The following DOCK2 variants were observed in gnomAD, a reference collection of about 807,000 sequenced individuals.
DOCK2 encodes dedicator of cytokinesis 2.
In DOCK2, 87 loss-of-function variants were observed where a neutral mutation model predicts 248.9. The observed-to-expected ratio is 0.35, with a 90% CI of 0.29 to 0.42. The LOEUF (loss-of-function observed/expected upper bound fraction) is 0.42, where lower values mean the gene tolerates loss of function less well. Among genes scored for constraint, DOCK2 ranks in the 10% least tolerant of loss-of-function variants. The probability of loss-of-function intolerance (pLI) is 1.00; values close to 1 mark genes in which losing one functional copy is unlikely to be tolerated. For missense variants in DOCK2, 1,747 were observed against 2,300.2 expected (o/e 0.76, Z 4.92); for synonymous variants, 805 against 821.6 (o/e 0.98, Z 0.35).
chr5:169,811,304 G>A (rs1174295000), intron 26 of DOCK2, among the ~76,000 whole-genome samples: 1 of 152,204 alleles, frequency 6.6e-6, no homozygotes, highest in East Asian at 1.9e-4. Context: ...GCTGCAGGGT[G>A]GAAGGGAGGC....
chr5:170,053,597 G>C (rs938706191), intron 41 of DOCK2, among the ~76,000 whole-genome samples: 2 of 152,230 alleles, frequency 1.3e-5, no homozygotes, highest in Non-Finnish European at 2.9e-5. Flanking sequence ...ACTTAATCCA[G>C]AGTGATTTTC....
intron 26 of DOCK2, among the ~76,000 whole-genome samples, chr5:169,824,938 C>A (rs1246043260): frequency 1.3e-5 from 2 of 151,838 alleles, no homozygotes; most frequent in East Asian, 1.9e-4. Flanking sequence ...AAAAAAACAA[C>A]CCCATCAACA....
In DOCK2 at chr5:170,042,073, C is replaced by G; in HGVS notation, c.3817C>G (p.His1273Asp). Residue 1273 changes from histidine (H) to aspartate (D), a missense_variant, in exon 38 of 52, where the codon CAC becomes GAC. By Grantham distance (81) the His-to-Asp change is moderately conservative. Transcript: ENST00000520908. ...MQTGQQHPQTHRQLKETLYET... is the reference protein window; with the variant it reads ...MQTGQQHPQTDRQLKETLYET... ...GACAGGCCAGCAGCACCCCCAGACACACCGGCAGCTGAAGGAGACGCTCTA... is the reference window on the plus strand; with the variant it reads ...GACAGGCCAGCAGCACCCCCAGACAGACCGGCAGCTGAAGGAGACGCTCTA... 1 of 1,613,748 alleles carries G rather than the reference C, an allele frequency of 6.2e-7. No homozygotes were observed. Among genetic ancestry groups the G allele is most frequent in the Non-Finnish European group, 8.5e-7 (1 of 1,179,786 alleles).
chr5:169,679,908 G>A (rs13180246), intron 6 of DOCK2, among the ~76,000 whole-genome samples: 1 of 152,118 alleles, frequency 6.6e-6, no homozygotes. Context: ...CCAGAATCTG[G>A]TACTTAGTAG....
chr5:169,828,780 C>T (rs1390857297), intron 26 of DOCK2, among the ~76,000 whole-genome samples: 1 of 152,230 alleles, frequency 6.6e-6, no homozygotes, highest in Non-Finnish European at 1.5e-5. Context: ...TCTCCTTTCT[C>T]TCTGCAACAG....
At chr5:170,074,710 C>T (rs1016897209) in intron 46 of DOCK2, among the ~76,000 whole-genome samples, 27 of 152,200 alleles carry the variant, frequency 1.8e-4, no homozygotes, top group African/African-American at 6.5e-4. Context: ...AAGCCCAGAG[C>T]TCCTTGTTCT....
intron 15 of DOCK2, 111 bp downstream of exon 15, chr5:169,708,378 G>A (rs984446001): frequency 2.5e-5 from 27 of 1,073,936 alleles, no homozygotes; most frequent in Middle Eastern, 2.2e-4. Context: ...AGCCGTGTGA[G>A]GTTTGTACTA....
intron 27 of DOCK2, among the ~76,000 whole-genome samples, chr5:169,950,672 T>A (rs1303984421): frequency 6.6e-6 from 1 of 152,236 alleles, no homozygotes; most frequent in Non-Finnish European, 1.5e-5. Context: ...TTTTGTCCAA[T>A]GTTGTGTTCC....
chr5:169,698,840 G>A (rs534626096), intron 11 of DOCK2, among the ~76,000 whole-genome samples: 3 of 152,318 alleles, frequency 2.0e-5, no homozygotes, highest in East Asian at 1.9e-4. Flanking sequence ...AAGCTGTGAA[G>A]CAGCAGCATT....
intron 19 of DOCK2, among the ~76,000 whole-genome samples, chr5:169,714,980 CAT>C (rs920310311): frequency 6.6e-6 from 1 of 151,556 alleles, no homozygotes; most frequent in African/African-American, 2.4e-5. Flanking sequence ...TGTATATATA[CAT>C]ATATATATAG....
chr5:170,068,542 C>T (rs1262245599), intron 45 of DOCK2, among the ~76,000 whole-genome samples: 4 of 152,136 alleles, frequency 2.6e-5, no homozygotes, highest in African/African-American at 9.7e-5. Context: ...CCTCAGATAC[C>T]CATGCAGTCA....
chr5:170,027,821 C>A, intron 33 of DOCK2, 42 bp from the exon 34 acceptor site: 1 of 1,571,454 alleles, frequency 6.4e-7, no homozygotes, highest in Non-Finnish European at 8.7e-7. Flanking sequence ...CAGCCCTCAG[C>A]CTTCTGATGT....
chr5:169,884,104 T>C, intron 27 of DOCK2: 1 of 416,366 alleles, frequency 2.4e-6, no homozygotes, highest in Non-Finnish European at 4.2e-6. Flanking sequence ...ATGCTTTCCC[T>C]GCAGTTAAAA....
chr5:169,807,875 T>C (rs1335909731), intron 26 of DOCK2, among the ~76,000 whole-genome samples: 2 of 123,840 alleles, frequency 1.6e-5, no homozygotes, highest in African/African-American at 5.4e-5. Context: ...CATCTTCCAA[T>C]ATGCATTTAA....
At chr5:169,934,705 G>A (rs1451578380) in intron 27 of DOCK2, 1 of 456,144 alleles carries the variant, frequency 2.2e-6, no homozygotes, top group Non-Finnish European at 4.4e-6. Flanking sequence ...TATTAAATGT[G>A]ATAGTATCTG....
intron 27 of DOCK2, chr5:169,864,254 G>A: frequency 2.6e-6 from 4 of 1,549,978 alleles, no homozygotes; most frequent in Non-Finnish European, 3.5e-6. Flanking sequence ...TGGGGGGCTG[G>A]GGGATGGTCC....
chr5:169,716,639 C>T (rs1339554571), intron 20 of DOCK2, among the ~76,000 whole-genome samples: 2 of 152,166 alleles, frequency 1.3e-5, no homozygotes, highest in Non-Finnish European at 2.9e-5. Flanking sequence ...GGTTGTAAAG[C>T]ACCAAAAATG....
chr5:169,643,908 G>GTC (rs1757297285), intron 1 of DOCK2, among the ~76,000 whole-genome samples: 1 of 152,176 alleles, frequency 6.6e-6, no homozygotes, highest in Admixed American at 6.5e-5. Flanking sequence ...GCAGCAGCAG[G>GTC]GCCATCCCAG....
chr5:169,825,002 A>G (rs1391399646), intron 26 of DOCK2, among the ~76,000 whole-genome samples: 1 of 152,234 alleles, frequency 6.6e-6, no homozygotes, highest in Non-Finnish European at 1.5e-5. Flanking sequence ...TTATGCAGCC[A>G]AAAAACACAT....
Sources: allele counts gnomAD v4.1 joint callset (sites outside exome capture counted in the v4.1 genomes callset), GRCh38; gene constraint gnomAD v4.1.1; transcripts MANE v1.5; gene names NCBI Gene and HGNC (gene_info 2026-07-23, HGNC 2026-07-21).